KLHL4: variants seen among roughly 807,000 people sequenced by gnomAD.
KLHL4 encodes the protein kelch-like protein 4.
In KLHL4, 17 loss-of-function variants were observed where a neutral mutation model predicts 45.8. The observed-to-expected ratio is 0.37, with a 90% confidence interval of 0.25 to 0.56. The LOEUF (loss-of-function observed/expected upper bound fraction) is 0.56. KLHL4 is among the 20% of genes least tolerant of loss of function. KLHL4 has a pLI of 0.79. For missense variants in KLHL4, 544 were observed against 544.9 expected (o/e 1.00, Z 0.02); for synonymous variants, 224 against 189.9 (o/e 1.18, Z -1.47).
intron 1 of KLHL4, among the ~76,000 whole-genome samples, chrX:87,579,726 A>G (rs1390365186): frequency 8.9e-6 from 1 of 112,024 alleles, no homozygotes; most frequent in African/African-American, 3.2e-5. Flanking sequence ...CAAGAATACT[A>G]TACCTGGCAA....
At chrX:87,554,196 T>C (rs1294137842) in intron 1 of KLHL4, among the ~76,000 whole-genome samples, 1 of 71,800 alleles carries the variant, frequency 1.4e-5, no homozygotes, top group Non-Finnish European at 2.6e-5. Flanking sequence ...GACTTGGTGA[T>C]GCGGGCTCTT....
At chrX:87,655,044 A>G (rs1278225578) in intron 9 of KLHL4, among the ~76,000 whole-genome samples, 1 of 111,752 alleles carries the variant, frequency 8.9e-6, no homozygotes, top group Admixed American at 9.5e-5. Context: ...TAAATTTCAG[A>G]TATTAGCCCT....
intron 9 of KLHL4, among the ~76,000 whole-genome samples, chrX:87,653,599 T>C (rs1370503130): frequency 9.0e-6 from 1 of 111,673 alleles, no homozygotes; most frequent in African/African-American, 3.3e-5. Flanking sequence ...GAACCAGAAA[T>C]ACCATTTGAC....
intron 5 of KLHL4, among the ~76,000 whole-genome samples, chrX:87,623,253 T>A (rs1436358984): frequency 1.8e-5 from 2 of 108,543 alleles, no homozygotes; most frequent in East Asian, 2.9e-4. Flanking sequence ...TATTGAAAAA[T>A]AGATTGTTAA....
chrX:87,612,349 G>A (rs761176619), intron 1 of KLHL4, among the ~76,000 whole-genome samples: 3 of 111,307 alleles, frequency 2.7e-5, no homozygotes, highest in Non-Finnish European at 5.7e-5. Flanking sequence ...GTATATTTGA[G>A]ATGAAAAAAT....
chrX:87,527,814 GA>G (rs11354717), intron 1 of KLHL4, among the ~76,000 whole-genome samples: 26,940 of 82,644 alleles, frequency 0.33, 3,118 homozygotes, highest in East Asian at 0.6. Context: ...CACAAAATTG[GA>G]AAAAAAAAAA....
intron 1 of KLHL4, among the ~76,000 whole-genome samples, chrX:87,613,348 A>G (rs1368346031): frequency 1.8e-5 from 2 of 111,696 alleles, no homozygotes; most frequent in African/African-American, 6.5e-5. Flanking sequence ...ATATTAAGAA[A>G]TAAAAGGTGG....
At chrX:87,596,379 T>C (rs1921841109) in intron 1 of KLHL4, among the ~76,000 whole-genome samples, 1 of 112,262 alleles carries the variant, frequency 8.9e-6, no homozygotes, top group Non-Finnish European at 1.9e-5. Flanking sequence ...TTTGTTCTCT[T>C]ATTTTAACTA....
At chrX:87,641,047 G>A (rs1015407100) in intron 9 of KLHL4, among the ~76,000 whole-genome samples, 2 of 111,976 alleles carry the variant, frequency 1.8e-5, no homozygotes, top group African/African-American at 6.5e-5. Context: ...CATGGTGGAC[G>A]TGAGGCAGGA....
intron 1 of KLHL4, among the ~76,000 whole-genome samples, chrX:87,531,966 G>A (rs1266664006): frequency 4.8e-5 from 5 of 104,590 alleles, no homozygotes; most frequent in Non-Finnish European, 9.8e-5. Context: ...TTTCTTCACA[G>A]AATTGGAAAA....
chrX:87,612,576 C>T (rs1922418006), intron 1 of KLHL4, among the ~76,000 whole-genome samples: 1 of 111,832 alleles, frequency 8.9e-6, no homozygotes, highest in African/African-American at 3.3e-5. Flanking sequence ...TGTTGAGTGA[C>T]ACAAGACTGC....
At chrX:87,596,772 T>C (rs998577075) in intron 1 of KLHL4, among the ~76,000 whole-genome samples, 42 of 112,136 alleles carry the variant, frequency 3.7e-4, no homozygotes, top group African/African-American at 1.2e-3. Flanking sequence ...ACTTCTAGTA[T>C]ATATGTAAGA....
chrX:87,668,113 G>A lies in KLHL4; in HGVS notation c.*1579G>A. 2.7e-6 allele frequency: 2 copies of A among 752,563 alleles called. No homozygotes were observed. The highest frequency in any genetic ancestry group is 3.1e-6 in the Non-Finnish European group (2 of 637,592). 62.0% of individuals were successfully genotyped at this position (752,563 alleles called of 1,213,427 possible). ...TATAGATTTCTGCAGTTCTAGAGGT[G>A]AAGATAGAGACATAGAGAGGCTGTG... On this transcript the variant is annotated 3_prime_UTR_variant, in exon 11 of 11. Coordinates refer to ENST00000373119, the MANE Select transcript of KLHL4 (RefSeq NM_019117.5).
intron 1 of KLHL4, among the ~76,000 whole-genome samples, chrX:87,611,372 A>G (rs931706169): frequency 3.6e-5 from 4 of 111,178 alleles, no homozygotes; most frequent in African/African-American, 9.8e-5. Flanking sequence ...ACTCTGGGAC[A>G]TGATGGAACT....
Position 87,638,582 on chromosome X carries a change from A to C in KLHL4, c.1925+2807A>C, listed in dbSNP as rs763033649. On this transcript the variant is annotated intron_variant, in intron 9 of 10. Coordinates refer to ENST00000373119, the MANE Select transcript of KLHL4 (RefSeq NM_019117.5). ...ACAATTAGTCAAGAATTTTGTATCC[A>C]GTGAAACTAAGCTTCATAAATGAAG... Among the ~76,000 whole-genome samples, 6 of 111,796 alleles carry C rather than the reference A, an allele frequency of 5.4e-5. No homozygotes were observed. In the South Asian group the frequency reaches 1.5e-3, roughly 28 times the overall value.
intron 1 of KLHL4, among the ~76,000 whole-genome samples, chrX:87,598,239 AT>A (rs968889040): frequency 2.7e-5 from 3 of 110,900 alleles, no homozygotes; most frequent in African/African-American, 9.8e-5. Context: ...TGTTTCTAAT[AT>A]ATTTTAAAAT....
intron 1 of KLHL4, among the ~76,000 whole-genome samples, chrX:87,582,420 G>T (rs1205668031): frequency 7.2e-5 from 8 of 111,556 alleles, no homozygotes; most frequent in Non-Finnish European, 1.1e-4. Context: ...AATAGAACTT[G>T]GTGCTGTCCT....
At position 87,668,932 on chromosome X, in the gene KLHL4, C is replaced by A. The variant is rs778343855; in HGVS notation, c.*2398C>A. ...TTAAGCCTCAGAAAATGAACTAAGA[C>A]AATGCCCTAGATGAGCTGCCAAAAT... On this transcript the variant is annotated 3_prime_UTR_variant, in exon 11 of 11. Coordinates refer to ENST00000373119, the MANE Select transcript of KLHL4 (RefSeq NM_019117.5). 4.0e-6 allele frequency: 3 copies of A among 751,842 alleles called. No individual in the cohort carries two copies. Among genetic ancestry groups the A allele is most frequent in the South Asian group, 1.4e-4 (2 of 14,594 alleles). 62.0% of individuals were successfully genotyped at this position (751,842 alleles called of 1,213,427 possible).
At chrX:87,576,548 T>C (rs945389217) in intron 1 of KLHL4, among the ~76,000 whole-genome samples, 4 of 111,955 alleles carry the variant, frequency 3.6e-5, no homozygotes, top group African/African-American at 1.3e-4. Flanking sequence ...AAATCTTCAA[T>C]GATAAATGAA....
Sources: gnomAD v4.1 joint callset for allele counts (sites outside exome capture counted in the v4.1 genomes callset) on GRCh38, gnomAD v4.1.1 for gene constraint, MANE v1.5 for transcripts, NCBI Gene and HGNC (gene_info 2026-07-23, HGNC 2026-07-21) for gene names.